The following GDPD4 variants were observed in gnomAD, a reference collection of about 807,000 sequenced individuals.
The protein encoded by GDPD4 is glycerophosphodiester phosphodiesterase 6.
In GDPD4, 60 loss-of-function variants were observed where a neutral mutation model predicts 67.8. The ratio of observed to expected loss-of-function variants is 0.88; its 90% CI spans 0.72 to 1.10. The LOEUF (loss-of-function observed/expected upper bound fraction) is 1.10. Ranked by LOEUF, GDPD4 falls within the 50% of genes least tolerant of loss-of-function variation. The pLI, the probability that GDPD4 is intolerant of heterozygous loss-of-function variation, is 0.00. For synonymous variants in GDPD4, 212 were observed against 210.9 expected (o/e 1.00, Z -0.04); for missense variants, 623 against 613.9 (o/e 1.01, Z -0.16).
chr11:77,279,540 T>TTTTTTTTTTTTTTTTGAGACGGAGTTTC, intron 3 of GDPD4, 141 bp from the exon 4 acceptor site: 1 of 520,156 alleles, frequency 1.9e-6, no homozygotes, highest in Non-Finnish European at 3.6e-6. Flanking sequence ...CAGCAGCTTT[T>TTTTTTTTTTTTTTTTGAGACGGAGTTTC]GCGGATAATT....
At chr11:77,235,535 C>T (rs1958546572) in intron 13 of GDPD4, among the ~76,000 whole-genome samples, 1 of 152,126 alleles carries the variant, frequency 6.6e-6, no homozygotes, top group Non-Finnish European at 1.5e-5. Flanking sequence ...ACAAATGTGA[C>T]AAATGATTTT....
rs558736521 is a variant in GDPD4 at position 77,256,623 on chromosome 11, G to A, written c.864+1763C>T. On this transcript the variant is annotated intron_variant, in intron 11 of 16. Transcript: ENST00000315938. Reference sequence around the variant, plus strand: ...ATGTTGGAAGTGAGGCCTAGTGAGAGGCATTTGGGTCATGGGGGCAGATCC... The same window carrying A: ...ATGTTGGAAGTGAGGCCTAGTGAGAAGCATTTGGGTCATGGGGGCAGATCC... 1.4e-4 allele frequency among the ~76,000 whole-genome samples: 22 copies of A among 152,270 alleles called. 1 individual carries two copies. Among genetic ancestry groups the A allele is most frequent in the African/African-American group, 5.1e-4 (21 of 41,554 alleles).
intron 5 of GDPD4, 143 bp downstream of exon 5, chr11:77,276,018 G>A (rs1959450509): frequency 3.2e-6 from 2 of 624,096 alleles, no homozygotes; most frequent in African/African-American, 1.8e-5. Context: ...TTAATATGGT[G>A]TAAGTAAATC....
At chr11:77,296,325 A>T (rs1488987262) in intron 1 of GDPD4, among the ~76,000 whole-genome samples, 11 of 141,514 alleles carry the variant, frequency 7.8e-5, no homozygotes, top group African/African-American at 2.3e-4. Context: ...TTTTTAATTA[A>T]TTTTTTTTTT....
intron 11 of GDPD4, among the ~76,000 whole-genome samples, chr11:77,248,688 T>A (rs939688125): frequency 1.3e-5 from 2 of 152,044 alleles, no homozygotes; most frequent in African/African-American, 4.8e-5. Context: ...ATCTCTTTCT[T>A]CTCTATGGCA....
intron 3 of GDPD4, among the ~76,000 whole-genome samples, chr11:77,284,082 T>C (rs1485398113): frequency 6.6e-6 from 1 of 152,124 alleles, no homozygotes; most frequent in African/African-American, 2.4e-5. Flanking sequence ...ATGCCACTTA[T>C]GGGAATCTAT....
intron 16 of GDPD4, among the ~76,000 whole-genome samples, chr11:77,221,798 T>C (rs1054314293): frequency 5.3e-5 from 8 of 152,150 alleles, no homozygotes; most frequent in East Asian, 1.9e-4. Flanking sequence ...GTTAACCTTC[T>C]GTCTCGTTGA....
At chr11:77,284,940 G>A in intron 3 of GDPD4, 145 bp downstream of exon 3, 2 of 652,072 alleles carry the variant, frequency 3.1e-6, no homozygotes, top group East Asian at 5.3e-5. Flanking sequence ...CCAGAGGCAG[G>A]CCTCTCACCC....
At chr11:77,267,624 G>A (rs1016041738) in intron 10 of GDPD4, among the ~76,000 whole-genome samples, 16 of 152,044 alleles carry the variant, frequency 1.1e-4, no homozygotes, top group African/African-American at 2.4e-4. Flanking sequence ...CATGTATTTC[G>A]TCCATTTTCT....
chr11:77,269,837 C>T lies in GDPD4; in HGVS notation c.478+46G>A, dbSNP rs545241748. ...TACCCATTTGTACATTTTCAAGTTACCACCTTTGCTTTAGTGACTTTCAAA... is the reference window on the plus strand; with the variant it reads ...TACCCATTTGTACATTTTCAAGTTATCACCTTTGCTTTAGTGACTTTCAAA... On this transcript the variant is annotated intron_variant, in intron 8 of 16. Coordinates refer to ENST00000315938, the MANE Select transcript of GDPD4 (RefSeq NM_182833.3). 11 of 1,022,688 alleles carry T rather than the reference C, an allele frequency of 1.1e-5. No homozygotes were observed. In the East Asian group the frequency reaches 2.4e-4, roughly 22 times the overall value. 63.4% of individuals were successfully genotyped at this position (1,022,688 alleles called of 1,614,324 possible).
chr11:77,233,250 T>C, intron 13 of GDPD4, 78 bp from the exon 14 acceptor site: 1 of 1,417,550 alleles, frequency 7.1e-7, no homozygotes, highest in Non-Finnish European at 9.9e-7. Context: ...AGCCACCATG[T>C]TTGTGAAAGG....
At chr11:77,254,285 T>C (rs940562838) in intron 11 of GDPD4, among the ~76,000 whole-genome samples, 5 of 152,026 alleles carry the variant, frequency 3.3e-5, no homozygotes, top group Non-Finnish European at 5.9e-5. Flanking sequence ...CTTTTCACCA[T>C]AGAGAGAAGT....
chr11:77,278,941 G>A (rs965389585), intron 4 of GDPD4, among the ~76,000 whole-genome samples: 1 of 152,196 alleles, frequency 6.6e-6, no homozygotes. Flanking sequence ...ATTTTCAGAA[G>A]ATGGGACATG....
Position 77,253,500 on chromosome 11 carries a change from T to C in GDPD4, c.864+4886A>G, listed in dbSNP as rs561576362. Among the ~76,000 whole-genome samples the C allele has an allele frequency of 2.6e-5, 4 of 152,266 alleles. No individual in the cohort carries two copies. The East Asian group carries it at 7.7e-4, about 29-fold the overall frequency. On this transcript the variant is annotated intron_variant, in intron 11 of 16. Coordinates refer to ENST00000315938, the MANE Select transcript of GDPD4 (RefSeq NM_182833.3). ...GGCACTATCTCAGCAGCTTAGACTCTAGGGAGCTAGTCCAGCTCCAGGGAA... is the reference window on the plus strand; with the variant it reads ...GGCACTATCTCAGCAGCTTAGACTCCAGGGAGCTAGTCCAGCTCCAGGGAA...
Position 77,258,445 on chromosome 11 carries a change from A to C in GDPD4, c.805T>G (p.Phe269Val). 1 of 1,614,188 alleles carries C rather than the reference A, an allele frequency of 6.2e-7. No homozygotes were observed. Among genetic ancestry groups the C allele is most frequent in the South Asian group, 1.1e-5 (1 of 91,086 alleles). The change falls in exon 11 of 17, where the codon TTC (phenylalanine) becomes GTC (valine). Residue 269 changes from phenylalanine to valine, a missense_variant. Physicochemically the swap from Phe to Val is conservative, Grantham distance 50. Transcript: ENST00000315938. ...QPESACENPAFFNWDFLSTLN... is the reference protein window; with the variant it reads ...QPESACENPAVFNWDFLSTLN... ...GTCGATAGGAAATCCCAGTTGAAGA[A>C]GGCAGGGTTCTCGCAGGCAGATTCT...
chr11:77,268,877 C>A, intron 9 of GDPD4, 47 bp downstream of exon 9: 2 of 1,586,214 alleles, frequency 1.3e-6, no homozygotes, highest in African/African-American at 1.3e-5. Flanking sequence ...TGACCACATA[C>A]CCCACACATA....
At chr11:77,245,116 A>G (rs1484020968) in intron 12 of GDPD4, among the ~76,000 whole-genome samples, 165 bp downstream of exon 12, 1 of 152,214 alleles carries the variant, frequency 6.6e-6, no homozygotes, top group Non-Finnish European at 1.5e-5. Context: ...TCATTCCTAG[A>G]TTACCACATG....
intron 10 of GDPD4, among the ~76,000 whole-genome samples, chr11:77,259,911 G>A (rs1176386005): frequency 6.6e-6 from 1 of 152,206 alleles, no homozygotes; most frequent in Non-Finnish European, 1.5e-5. Flanking sequence ...ACAGTTCTAA[G>A]ACAATCGGAG....
At chr11:77,253,671 T>C (rs960006551) in intron 11 of GDPD4, among the ~76,000 whole-genome samples, 5 of 151,920 alleles carry the variant, frequency 3.3e-5, no homozygotes, top group Admixed American at 6.6e-5. Context: ...TCTCCAAGGG[T>C]TGATGTGCCA....
Sources: allele counts gnomAD v4.1 joint callset (sites outside exome capture counted in the v4.1 genomes callset), GRCh38; gene constraint gnomAD v4.1.1; transcripts MANE v1.5; gene names NCBI Gene and HGNC (gene_info 2026-07-23, HGNC 2026-07-21).